The following MORF4L2 variants were observed in gnomAD, a reference collection of about 807,000 sequenced individuals.
MORF4L2 encodes mortality factor 4 like 2.
Under a neutral mutation model 12.0 loss-of-function variants are expected in MORF4L2, and 1 was observed. The observed-to-expected ratio is 0.08, with a 90% CI of 0.03 to 0.40. The LOEUF (loss-of-function observed/expected upper bound fraction) is 0.40. MORF4L2 is among the 10% of genes least tolerant of loss of function. MORF4L2 has a pLI of 0.98. For synonymous variants in MORF4L2, 69 were observed against 81.6 expected (o/e 0.85, Z 0.83); for missense variants, 123 against 214.0 (o/e 0.57, Z 2.65).
Position 103,676,881 on chromosome X carries a change from T to C in MORF4L2, c.147A>G (p.Lys49=). The C allele has an allele frequency of 8.3e-7, 1 of 1,208,832 alleles. No homozygotes were observed. The highest frequency in any genetic ancestry group is 3.0e-5 in the East Asian group (1 of 33,702). ...TTCCTGGGAGAGCTGGTTCAAGATT[T>C]TTCTGCTGTGGACCAGCTGTCTTCT... is the stretch of plus-strand genomic sequence containing the variant. ...SGKKTAGPQQ[K]NLEPALPGRW... The change falls in exon 4 of 4, where the codon AAA becomes AAG. Residue 49 remains lysine, a synonymous_variant. Transcript: ENST00000441076.
At chrX:103,677,081 G>GT in intron 3 of MORF4L2, 30 bp from the exon 4 acceptor site, 1 of 1,014,902 alleles carries the variant, frequency 9.9e-7, no homozygotes. Context: ...TTACTTGGTT[G>GT]TTTTCTATGG....
chrX:103,683,307 G>A (rs5987564), intron 2 of MORF4L2, among the ~76,000 whole-genome samples: 1 of 110,264 alleles, frequency 9.1e-6, no homozygotes, highest in Non-Finnish European at 1.9e-5. Context: ...TCCACACACC[G>A]CGGCCTCCCA....
In MORF4L2 at chrX:103,686,669, T is replaced by G. The variant is rs1421088443; in HGVS notation, c.-306A>C. 3 of 101,558 alleles carry G rather than the reference T, an allele frequency of 3.0e-5. No individual in the cohort carries two copies. The highest frequency in any genetic ancestry group is 7.5e-5 in the African/African-American group (2 of 26,802). The allele number at this position is 101,558 out of a possible 1,213,427, so 8.4% of individuals were successfully genotyped here. The stretch of plus-strand genomic sequence containing the variant: ...CCAGATCTTCCCAGCAGCCGACGTG[T>G]GATCACTGCCGTTCCTCCAACCGCC... On this transcript the variant is annotated 5_prime_UTR_variant, in exon 1 of 4. Coordinates refer to ENST00000441076, the MANE Select transcript of MORF4L2 (RefSeq NM_012286.3).
At chrX:103,679,086 C>T (rs1322198453) in intron 2 of MORF4L2, among the ~76,000 whole-genome samples, 12 of 111,681 alleles carry the variant, frequency 1.1e-4, no homozygotes, top group African/African-American at 2.9e-4. Flanking sequence ...ATGAATACTA[C>T]AGAAGAACAT....
chrX:103,675,965 C>T lies in MORF4L2; in HGVS notation c.*196G>A. On this transcript the variant is annotated 3_prime_UTR_variant, in exon 4 of 4. Coordinates refer to ENST00000441076, the MANE Select transcript of MORF4L2 (RefSeq NM_012286.3). The stretch of plus-strand genomic sequence containing the variant: ...TTCTTTGTTCTAATTACTGCATACA[C>T]TGGTAGCAACTTTGAAATGAGAAAA... The T allele has an allele frequency of 2.3e-6, 1 of 427,811 alleles. No homozygotes were observed. The allele number at this position is 427,811 out of a possible 1,213,427, so 35.3% of individuals were successfully genotyped here.
rs751380103 is a variant in MORF4L2, at chrX:103,676,826, G to T, written c.202C>A (p.Pro68Thr). 7.5e-6 allele frequency: 9 copies of T among 1,202,593 alleles called. No individual in the cohort carries two copies. The African/African-American group carries it at 1.6e-4, about 22-fold the overall frequency. Residue 68 changes from proline (P) to threonine (T), a missense_variant, in exon 4 of 4, where the codon CCT becomes ACT. Physicochemically the swap from Pro to Thr is conservative, Grantham distance 38. Coordinates refer to ENST00000441076, the MANE Select transcript of MORF4L2 (RefSeq NM_012286.3). ...CTGGTCTTCCTCACGGATCCTGAAG[G>T]GGGGTTCTCTGCAGAGCGACCACCC... ...RWGGRSAENPPSGSVRKTRKN... is the reference protein window; with the variant it reads ...RWGGRSAENPTSGSVRKTRKN...
chrX:103,682,985 T>C, intron 2 of MORF4L2, among the ~76,000 whole-genome samples: 1 of 112,781 alleles, frequency 8.9e-6, no homozygotes, highest in Non-Finnish European at 1.9e-5. Flanking sequence ...CTTTCCCCAT[T>C]GGTATGAAAT....
At chrX:103,686,733 G>A (rs2074120014), upstream of MORF4L2, 1 of 109,232 alleles carries the variant, frequency 9.2e-6, no homozygotes, top group African/African-American at 3.4e-5. Context: ...GATATCCATA[G>A]GCAGACACGT....
rs1233267920 is a variant in MORF4L2 at position 103,675,917 on chromosome X, T to C, written c.*244A>G. 3.3e-6 allele frequency: 1 copy of C among 305,254 alleles called. No homozygotes were observed. The highest frequency in any genetic ancestry group is 5.6e-6 in the Non-Finnish European group (1 of 177,733). 25.2% of individuals were successfully genotyped at this position (305,254 alleles called of 1,213,427 possible). A position where few individuals can be genotyped will look rare whatever the true frequency, so the allele number is the denominator to read the frequency against. ...TCAAGCAATGTTGTCAACTAGGCAA[T>C]AAAATGTTCTACTGAATGTTTCTTC... On this transcript the variant is annotated 3_prime_UTR_variant, in exon 4 of 4. Coordinates refer to ENST00000441076, the MANE Select transcript of MORF4L2 (RefSeq NM_012286.3).
chrX:103,683,349 G>A (rs1323872937), intron 2 of MORF4L2, among the ~76,000 whole-genome samples: 1 of 112,336 alleles, frequency 8.9e-6, no homozygotes, highest in Non-Finnish European at 1.9e-5. Flanking sequence ...AAGCCACCGC[G>A]CTCAGCAATT....
chrX:103,679,077 T>C (rs1013288179), intron 2 of MORF4L2, among the ~76,000 whole-genome samples: 2 of 111,976 alleles, frequency 1.8e-5, no homozygotes, highest in Admixed American at 1.9e-4. Flanking sequence ...AAATTATGTA[T>C]GAATACTACA....
chrX:103,681,857 G>A (rs529348492), intron 2 of MORF4L2, among the ~76,000 whole-genome samples: 4 of 110,568 alleles, frequency 3.6e-5, no homozygotes, highest in South Asian at 7.6e-4. Flanking sequence ...GACAATCTTC[G>A]TTCACCTCAA....
rs1372392333 is a variant in MORF4L2 at position 103,686,666 on chromosome X, G to C, written c.-303C>G. 2 of 91,755 alleles carry C rather than the reference G, an allele frequency of 2.2e-5. No homozygotes were observed. The highest frequency in any genetic ancestry group is 4.1e-5 in the Non-Finnish European group (2 of 48,319). The allele number at this position is 91,755 out of a possible 1,213,427, so 7.6% of individuals were successfully genotyped here. On this transcript the variant is annotated 5_prime_UTR_variant, in exon 1 of 4. Coordinates refer to ENST00000441076, the MANE Select transcript of MORF4L2 (RefSeq NM_012286.3). ...AATCCAGATCTTCCCAGCAGCCGAC[G>C]TGTGATCACTGCCGTTCCTCCAACC...
At chrX:103,682,154 T>G (rs958982030) in intron 2 of MORF4L2, among the ~76,000 whole-genome samples, 6 of 112,312 alleles carry the variant, frequency 5.3e-5, no homozygotes. Flanking sequence ...TGCACCTTGC[T>G]TTGCTCACTT....
chrX:103,677,779 T>TA (rs1274542367), intron 3 of MORF4L2, among the ~76,000 whole-genome samples: 1 of 111,969 alleles, frequency 8.9e-6, no homozygotes, highest in Non-Finnish European at 1.9e-5. Flanking sequence ...GTGACAATTA[T>TA]AAAACGATAA....
intron 2 of MORF4L2, among the ~76,000 whole-genome samples, chrX:103,681,387 TGTTAAG>T (rs1266416124): frequency 4.5e-5 from 5 of 111,945 alleles, no homozygotes; most frequent in Admixed American, 9.5e-5. Flanking sequence ...AATCTTCCCA[TGTTAAG>T]GTTATTATAT....
At chrX:103,687,846 C>G (rs996608724), upstream of MORF4L2, 1 of 111,013 alleles carries the variant, frequency 9.0e-6, no homozygotes. Context: ...CCTCCCTCCC[C>G]TCCTCCACAC....
chrX:103,679,433 C>T lies in MORF4L2; in HGVS notation c.-177-782G>A, dbSNP rs112664282. 1.4e-3 allele frequency among the ~76,000 whole-genome samples: 153 copies of T among 107,097 alleles called. 2 individuals are homozygous for T. The highest frequency in any genetic ancestry group is 4.7e-3 in the African/African-American group (137 of 29,225). 93.0% of individuals were successfully genotyped at this position (107,097 alleles called of 115,157 possible). A position where few individuals can be genotyped will look rare whatever the true frequency, so the allele number is the denominator to read the frequency against. Reference sequence around the variant, plus strand: ...ACTCAGGAGACTGAGGCAGGAGAATCGCTTGAACCCGAGAGGCAGAGGTTG... The same window carrying T: ...ACTCAGGAGACTGAGGCAGGAGAATTGCTTGAACCCGAGAGGCAGAGGTTG... On this transcript the variant is annotated intron_variant, in intron 2 of 3. Coordinates refer to ENST00000441076, the MANE Select transcript of MORF4L2 (RefSeq NM_012286.3).
intron 2 of MORF4L2, among the ~76,000 whole-genome samples, chrX:103,684,445 C>A (rs2074053869): frequency 8.9e-6 from 1 of 111,911 alleles, no homozygotes; most frequent in Non-Finnish European, 1.9e-5. Context: ...ATATTTGAAA[C>A]CTTTCTAGAT....
Sources: gnomAD v4.1 joint callset for allele counts (sites outside exome capture counted in the v4.1 genomes callset) on GRCh38, gnomAD v4.1.1 for gene constraint, MANE v1.5 for transcripts, NCBI Gene and HGNC (gene_info 2026-07-23, HGNC 2026-07-21) for gene names.